DPYD: variants seen among roughly 807,000 people sequenced by gnomAD.
DPYD encodes the protein dihydropyrimidine dehydrogenase [NADP(+)].
Under a neutral mutation model 116.2 loss-of-function variants are expected in DPYD, and 109 were observed. The ratio of observed to expected loss-of-function variants is 0.94; its 90% CI spans 0.80 to 1.10. The LOEUF (loss-of-function observed/expected upper bound fraction) is 1.10, where lower values mean the gene tolerates loss of function less well. Ranked by LOEUF, DPYD falls within the 50% of genes least tolerant of loss-of-function variation. The pLI is 0.00. For synonymous variants in DPYD, 440 were observed against 432.0 expected (o/e 1.02, Z -0.23); for missense variants, 1,302 against 1,254.5 (o/e 1.04, Z -0.57).
At chr1:97,617,945 C>G (rs572914903) in intron 8 of DPYD, among the ~76,000 whole-genome samples, 67 of 152,308 alleles carry the variant, frequency 4.4e-4, no homozygotes, top group African/African-American at 1.6e-3. Flanking sequence ...TTTTAAAACT[C>G]TCTCAGTTTG....
intron 20 of DPYD, among the ~76,000 whole-genome samples, chr1:97,139,646 G>A (rs931641900): frequency 6.6e-6 from 1 of 152,042 alleles, no homozygotes; most frequent in Non-Finnish European, 1.5e-5. Context: ...TTATGTTTAC[G>A]AACAACAGAT....
chr1:97,249,173 C>T (rs771884946), intron 18 of DPYD, among the ~76,000 whole-genome samples: 5 of 152,040 alleles, frequency 3.3e-5, no homozygotes, highest in African/African-American at 7.2e-5. Context: ...CTCAAGGACA[C>T]GATTTCATTT....
chr1:97,430,607 CT>C (rs1675121034), intron 14 of DPYD, among the ~76,000 whole-genome samples: 1 of 151,902 alleles, frequency 6.6e-6, no homozygotes, highest in Non-Finnish European at 1.5e-5. Flanking sequence ...AAAAAATGTC[CT>C]CTTTCACGTG....
chr1:97,105,090 A>G (rs1385282384), intron 20 of DPYD, among the ~76,000 whole-genome samples: 1 of 152,154 alleles, frequency 6.6e-6, no homozygotes, highest in Admixed American at 6.6e-5. Context: ...AACAATTTAA[A>G]TAACTCATAT....
At chr1:97,162,531 G>A (rs1045128503) in intron 20 of DPYD, among the ~76,000 whole-genome samples, 13 of 152,058 alleles carry the variant, frequency 8.5e-5, no homozygotes, top group Non-Finnish European at 1.8e-4. Context: ...GGAAGAATTA[G>A]TATCATGAAA....
chr1:97,104,985 A>T (rs1185955013), intron 20 of DPYD, among the ~76,000 whole-genome samples: 1 of 152,140 alleles, frequency 6.6e-6, no homozygotes, highest in African/African-American at 2.4e-5. Context: ...GAGGACCAGG[A>T]GGCTGTTCCT....
chr1:97,101,898 T>C (rs1022595810), intron 20 of DPYD, among the ~76,000 whole-genome samples: 3 of 152,024 alleles, frequency 2.0e-5, no homozygotes, highest in Non-Finnish European at 2.9e-5. Flanking sequence ...GGATTCATCA[T>C]TGATGAATTT....
Position 97,393,519 on chromosome 1 carries a change from C to G in DPYD, c.1906-11058G>C, listed in dbSNP as rs1379538096. Among the ~76,000 whole-genome samples the G allele has an allele frequency of 2.0e-5, 3 of 151,536 alleles. No individual in the cohort carries two copies. The East Asian group carries it at 5.8e-4, about 30-fold the overall frequency. On this transcript the variant is annotated intron_variant, in intron 14 of 22. Transcript: ENST00000370192. ...CCAAGTGTTCTCATTGTTCAGTTCC[C>G]ACCTATGAGTGAGAACATGCGGTGT... is the stretch of plus-strand genomic sequence containing the variant.
At chr1:97,669,190 C>A (rs1349976577) in intron 8 of DPYD, among the ~76,000 whole-genome samples, 2 of 152,094 alleles carry the variant, frequency 1.3e-5, no homozygotes, top group South Asian at 2.1e-4. Flanking sequence ...CAACACACAT[C>A]AAGATTCCTT....
intron 1 of DPYD, among the ~76,000 whole-genome samples, chr1:97,916,939 A>G (rs1674245262): frequency 6.6e-6 from 1 of 152,088 alleles, no homozygotes; most frequent in African/African-American, 2.4e-5. Flanking sequence ...AGAATCAGTG[A>G]CTCCTCAAAT....
chr1:97,790,521 G>A (rs1667264073), intron 3 of DPYD, among the ~76,000 whole-genome samples: 1 of 152,144 alleles, frequency 6.6e-6, no homozygotes, highest in African/African-American at 2.4e-5. Context: ...GCAACAATGT[G>A]ATTTATATGG....
intron 20 of DPYD, among the ~76,000 whole-genome samples, chr1:97,117,779 T>C (rs554117028): frequency 1.3e-5 from 2 of 152,282 alleles, no homozygotes; most frequent in African/African-American, 4.8e-5. Flanking sequence ...GTTGTAATTG[T>C]TGAAATAACA....
intron 12 of DPYD, among the ~76,000 whole-genome samples, chr1:97,516,764 C>T (rs1349501219): frequency 6.6e-6 from 1 of 151,954 alleles, no homozygotes; most frequent in East Asian, 1.9e-4. Context: ...CTTTTTCTGA[C>T]TGGGGAGGTT....
At chr1:97,093,275 A>G (rs1185271851) in intron 21 of DPYD, among the ~76,000 whole-genome samples, 4 of 152,252 alleles carry the variant, frequency 2.6e-5, no homozygotes, top group African/African-American at 9.6e-5. Context: ...CTCAATTCCT[A>G]GTGCATTGCT....
At position 97,392,644 on chromosome 1, in the gene DPYD, C is replaced by T. The variant is rs138554903; in HGVS notation, c.1906-10183G>A. Among the ~76,000 whole-genome samples, 1,217 of 152,088 alleles carry T rather than the reference C, an allele frequency of 8.0e-3. 8 individuals carry two copies. The highest frequency in any genetic ancestry group is 0.012 in the Non-Finnish European group (848 of 67,958). ...AATAGGTTTATGGAATATTCTAAAT[C>T]TTTTGTTTTTATTTCAACAACGTTC... On this transcript the variant is annotated intron_variant, in intron 14 of 22. Transcript: ENST00000370192.
intron 18 of DPYD, among the ~76,000 whole-genome samples, chr1:97,255,132 A>C (rs1663362196): frequency 6.6e-6 from 1 of 152,160 alleles, no homozygotes; most frequent in Non-Finnish European, 1.5e-5. Context: ...TGCAAAGATA[A>C]TATATGTTTT....
At chr1:97,389,873 A>AAC (rs1169993311) in intron 14 of DPYD, among the ~76,000 whole-genome samples, 10 of 150,992 alleles carry the variant, frequency 6.6e-5, no homozygotes, top group African/African-American at 2.4e-4. Flanking sequence ...GCAAAAAAAA[A>AAC]AAAAGTAGTG....
At chr1:97,182,971 C>A (rs1227753750) in intron 20 of DPYD, among the ~76,000 whole-genome samples, 4 of 152,050 alleles carry the variant, frequency 2.6e-5, no homozygotes, top group Non-Finnish European at 5.9e-5. Context: ...TATTTTCTCC[C>A]AATCTGTGAC....
chr1:97,443,784 C>T (rs981734574), intron 14 of DPYD, among the ~76,000 whole-genome samples: 3 of 152,072 alleles, frequency 2.0e-5, no homozygotes, highest in African/African-American at 4.8e-5. Flanking sequence ...GACAAAAATC[C>T]CCCTATTTCT....
Sources: gnomAD v4.1 joint callset for allele counts (sites outside exome capture counted in the v4.1 genomes callset) on GRCh38, gnomAD v4.1.1 for gene constraint, MANE v1.5 for transcripts, NCBI Gene and HGNC (gene_info 2026-07-23, HGNC 2026-07-21) for gene names.